The following SLFN12L variants were observed in gnomAD, a reference collection of about 807,000 sequenced individuals.
The protein encoded by SLFN12L is schlafen family member 12-like.
In SLFN12L, 34 loss-of-function variants were observed where a neutral mutation model predicts 34.8. The ratio of observed to expected loss-of-function variants is 0.98; its 90% confidence interval spans 0.74 to 1.30. SLFN12L has a LOEUF of 1.30. Among genes scored for constraint, SLFN12L ranks in the 50% most tolerant of loss-of-function variants. The probability of loss-of-function intolerance (pLI) is 0.00; values close to 1 mark genes in which losing one functional copy is unlikely to be tolerated. For missense variants in SLFN12L, 703 were observed against 696.2 expected (o/e 1.01, Z -0.11); for synonymous variants, 259 against 247.5 (o/e 1.05, Z -0.44).
intron 2 of SLFN12L, among the ~76,000 whole-genome samples, chr17:35,503,814 A>G (rs1597861858): frequency 6.6e-6 from 1 of 152,050 alleles, no homozygotes; most frequent in Non-Finnish European, 1.5e-5. Flanking sequence ...CAAAGGGTGG[A>G]AAGAAAAAAA....
chr17:35,482,384 G>A (rs1914378373), intron 2 of SLFN12L, among the ~76,000 whole-genome samples: 1 of 152,232 alleles, frequency 6.6e-6, no homozygotes, highest in Admixed American at 6.5e-5. Context: ...GCAGCAGGGA[G>A]GGGCAGCTAG....
chr17:35,481,370 C>G (rs1175043463), intron 2 of SLFN12L, among the ~76,000 whole-genome samples: 1 of 152,254 alleles, frequency 6.6e-6, no homozygotes, highest in Non-Finnish European at 1.5e-5. Context: ...TGATGCTGTG[C>G]TTCAGTGGTC....
At chr17:35,518,420 A>G (rs1915900584) in intron 2 of SLFN12L, among the ~76,000 whole-genome samples, 1 of 152,126 alleles carries the variant, frequency 6.6e-6, no homozygotes, top group African/African-American at 2.4e-5. Flanking sequence ...GCATTGTGGC[A>G]GGTGCCTATA....
chr17:35,503,078 TATTGAAG>T (rs1489842677), intron 2 of SLFN12L, among the ~76,000 whole-genome samples: 2 of 152,222 alleles, frequency 1.3e-5, no homozygotes, highest in Non-Finnish European at 2.9e-5. Flanking sequence ...AATGTAAAAC[TATTGAAG>T]AGACAGTTTT....
Position 35,527,696 on chromosome 17 carries a change from C to A in SLFN12L, c.-605-4727G>T, listed in dbSNP as rs149858361. 9.7e-3 allele frequency among the ~76,000 whole-genome samples: 1,482 copies of A among 152,216 alleles called. 35 individuals are homozygous for A. Among genetic ancestry groups the A allele is most frequent in the African/African-American group, 0.034 (1,395 of 41,524 alleles). On this transcript the variant is annotated intron_variant, in intron 1 of 4. Coordinates refer to ENST00000628453, the MANE Select transcript of SLFN12L (RefSeq NM_001363830.2). ...CTCAATAAACTAGGTATCGATGGAA[C>A]GTACCTCAAAATAATAAGAGCTATT...
rs558281587 is a variant in SLFN12L, at chr17:35,511,815, A to G, written c.86+10464T>C. The stretch of plus-strand genomic sequence containing the variant: ...AGCAATTCCAGGGCCAGCTAAGTCT[A>G]TGTTTTACATGTGCTTTCACTTTAA... On this transcript the variant is annotated intron_variant, in intron 2 of 4. Coordinates refer to ENST00000628453, the MANE Select transcript of SLFN12L (RefSeq NM_001363830.2). Among the ~76,000 whole-genome samples the G allele has an allele frequency of 2.0e-5, 3 of 152,332 alleles. No homozygotes were observed. In the South Asian group the frequency reaches 6.2e-4, roughly 32 times the overall value.
chr17:35,489,897 A>G, intron 2 of SLFN12L: 1 of 883,960 alleles, frequency 1.1e-6, no homozygotes, highest in Non-Finnish European at 1.8e-6. Context: ...ATATTATGAC[A>G]GTTTATACAG....
intron 2 of SLFN12L, among the ~76,000 whole-genome samples, chr17:35,482,682 G>C (rs879580852): frequency 6.6e-6 from 1 of 152,192 alleles, no homozygotes; most frequent in Non-Finnish European, 1.5e-5. Context: ...TCTCCCTGCT[G>C]TCGGTGCCCA....
chr17:35,478,314 G>T (rs1914129828), intron 3 of SLFN12L, 129 bp from the exon 4 acceptor site: 3 of 587,574 alleles, frequency 5.1e-6, no homozygotes, highest in East Asian at 6.8e-5. Flanking sequence ...CAGAACATTA[G>T]ATATTGTGGT....
In SLFN12L at chr17:35,475,380, T is replaced by G; in HGVS notation, c.1382A>C (p.Asn461Thr). ...CCTAGAGAAGATCAGTGAGCCCTTATTGACAGAGCCCATTTCTTCACATAT... is the reference window on the plus strand; with the variant it reads ...CCTAGAGAAGATCAGTGAGCCCTTAGTGACAGAGCCCATTTCTTCACATAT... ...QLICEEMGSV[N>T]KGSLIFSRSW... The change falls in exon 5 of 5, where the codon AAT becomes ACT. Residue 461 changes from asparagine to threonine, a missense_variant. Physicochemically the swap from Asn to Thr is moderately conservative, Grantham distance 65. Coordinates refer to ENST00000628453, the MANE Select transcript of SLFN12L (RefSeq NM_001363830.2). 2 of 1,614,242 alleles carry G rather than the reference T, an allele frequency of 1.2e-6. No individual in the cohort carries two copies. The highest frequency in any genetic ancestry group is 1.7e-6 in the Non-Finnish European group (2 of 1,180,044).
intron 2 of SLFN12L, among the ~76,000 whole-genome samples, chr17:35,511,280 A>G (rs1381966584): frequency 6.6e-6 from 1 of 152,198 alleles, no homozygotes; most frequent in Non-Finnish European, 1.5e-5. Flanking sequence ...CAATTTTCTC[A>G]TAATCTCTTC....
In SLFN12L at chr17:35,472,477, G is replaced by C. The variant is rs1049381166; in HGVS notation, c.*2446C>G. Among the ~76,000 whole-genome samples, 1 of 152,176 alleles carries C rather than the reference G, an allele frequency of 6.6e-6. No homozygotes were observed. The highest frequency in any genetic ancestry group is 1.5e-5 in the Non-Finnish European group (1 of 68,032). ...GTGTTATTTCTGAGGTCTCTGTTCT[G>C]TTCCATTGGTCTATATGTCTCTTTT... On this transcript the variant is annotated 3_prime_UTR_variant, in exon 5 of 5. Coordinates refer to ENST00000628453, the MANE Select transcript of SLFN12L (RefSeq NM_001363830.2).
chr17:35,502,315 A>G (rs1915321371), intron 2 of SLFN12L, among the ~76,000 whole-genome samples: 1 of 150,402 alleles, frequency 6.6e-6, no homozygotes, highest in Non-Finnish European at 1.5e-5. Flanking sequence ...AATGCATTCA[A>G]TCTGTAGTGG....
At chr17:35,512,587 G>A (rs1432504074) in intron 2 of SLFN12L, among the ~76,000 whole-genome samples, 3 of 152,074 alleles carry the variant, frequency 2.0e-5, no homozygotes, top group East Asian at 3.9e-4. Context: ...AGGATGGCCT[G>A]GATCTCCTGA....
chr17:35,507,389 C>T lies in SLFN12L; in HGVS notation c.86+14890G>A, dbSNP rs1041859389. Among the ~76,000 whole-genome samples, 3 of 152,148 alleles carry T rather than the reference C, an allele frequency of 2.0e-5. No homozygotes were observed. The East Asian group carries it at 5.8e-4, about 29-fold the overall frequency. ...TTACAAGCTATCTTAGAAATAATCA[C>T]TAATAAGACTGGCAGAGCCTTGACT... On this transcript the variant is annotated intron_variant, in intron 2 of 4. Coordinates refer to ENST00000628453, the MANE Select transcript of SLFN12L (RefSeq NM_001363830.2).
chr17:35,488,134 CG>C (rs938475107), intron 2 of SLFN12L, among the ~76,000 whole-genome samples: 1 of 152,134 alleles, frequency 6.6e-6, no homozygotes, highest in Non-Finnish European at 1.5e-5. Flanking sequence ...GCGTGAACCC[CG>C]GAGGCGCAGC....
At position 35,486,953 on chromosome 17, in the gene SLFN12L, T is replaced by C. The variant is rs559242300; in HGVS notation, c.87-6758A>G. 1.1e-3 allele frequency among the ~76,000 whole-genome samples: 173 copies of C among 152,316 alleles called. 1 individual carries two copies. Among genetic ancestry groups the C allele is most frequent in the Non-Finnish European group, 1.6e-3 (106 of 68,018 alleles). The stretch of plus-strand genomic sequence containing the variant: ...TGCCGTCTTCGGATACCACTTTGCA[T>C]TTAGTTCGGAACAGCACTGCTTTCA... On this transcript the variant is annotated intron_variant, in intron 2 of 4. Coordinates refer to ENST00000628453, the MANE Select transcript of SLFN12L (RefSeq NM_001363830.2).
chr17:35,495,361 T>TA (rs992239380), intron 2 of SLFN12L, among the ~76,000 whole-genome samples: 88 of 152,342 alleles, frequency 5.8e-4, no homozygotes, highest in African/African-American at 2.0e-3. Context: ...CAAGGGTTTC[T>TA]AGGTAGGTCA....
chr17:35,501,963 A>T (rs1915309283), intron 2 of SLFN12L, among the ~76,000 whole-genome samples: 1 of 151,966 alleles, frequency 6.6e-6, no homozygotes, highest in African/African-American at 2.4e-5. Context: ...GAGAGAAAGG[A>T]AGAGACAGAG....
Sources: allele counts gnomAD v4.1 joint callset (sites outside exome capture counted in the v4.1 genomes callset), GRCh38; gene constraint gnomAD v4.1.1; transcripts MANE v1.5; gene names NCBI Gene and HGNC (gene_info 2026-07-23, HGNC 2026-07-21).